Variants in XIRP2 observed in about 807,000 individuals in gnomAD.
XIRP2 encodes the protein xin actin-binding repeat-containing protein 2.
Under a neutral mutation model 277.0 loss-of-function variants are expected in XIRP2, and 236 were observed. The observed-to-expected ratio is 0.85, with a 90% CI of 0.77 to 0.95. The LOEUF (loss-of-function observed/expected upper bound fraction) is 0.95, where lower values mean the gene tolerates loss of function less well. XIRP2 is among the 40% of genes least tolerant of loss of function. The pLI, the probability that XIRP2 is intolerant of heterozygous loss-of-function variation, is 0.00. For synonymous variants in XIRP2, 1,490 were observed against 1,416.5 expected (o/e 1.05, Z -1.17); for missense variants, 4,640 against 4,157.5 (o/e 1.12, Z -3.19).
chr2:167,085,905 G>C (rs563730920), intron 2 of XIRP2, among the ~76,000 whole-genome samples: 12 of 152,122 alleles, frequency 7.9e-5, no homozygotes, highest in Admixed American at 1.3e-4. Context: ...CAATTTGCCA[G>C]TCTGTGTCTT....
chr2:167,185,788 T>C (rs1693136435), intron 3 of XIRP2, among the ~76,000 whole-genome samples: 4 of 152,160 alleles, frequency 2.6e-5, no homozygotes, highest in Admixed American at 1.3e-4. Context: ...AAATGTTATG[T>C]TGGAGTAATA....
chr2:167,095,742 T>G (rs1690291172), intron 2 of XIRP2, among the ~76,000 whole-genome samples: 1 of 151,960 alleles, frequency 6.6e-6, no homozygotes, highest in Non-Finnish European at 1.5e-5. Context: ...ATTTTCACAT[T>G]GATGTTCACC....
At chr2:167,175,975 G>A (rs1014418240) in intron 3 of XIRP2, among the ~76,000 whole-genome samples, 1 of 152,164 alleles carries the variant, frequency 6.6e-6, no homozygotes, top group Non-Finnish European at 1.5e-5. Context: ...CCCTTACCAA[G>A]TTTGAGCATC....
intron 2 of XIRP2, among the ~76,000 whole-genome samples, chr2:167,126,813 C>A (rs184268700): frequency 3.1e-4 from 47 of 152,272 alleles, no homozygotes; most frequent in African/African-American, 1.0e-3. Context: ...ACATGTCCTG[C>A]TGTGAACCTC....
intron 4 of XIRP2, among the ~76,000 whole-genome samples, chr2:167,212,635 A>C (rs959863232): frequency 2.0e-5 from 3 of 152,308 alleles, no homozygotes; most frequent in Admixed American, 1.3e-4. Flanking sequence ...AAAATTAGGT[A>C]GTGAGGAGGC....
chr2:167,237,147 G>A (rs1479558918), intron 5 of XIRP2, among the ~76,000 whole-genome samples: 2 of 152,076 alleles, frequency 1.3e-5, no homozygotes, highest in African/African-American at 2.4e-5. Flanking sequence ...CAAAATTTAT[G>A]TACATTTGTA....
chr2:166,926,247 CTTTTAAAAATG>C (rs1272017846), intron 2 of XIRP2, among the ~76,000 whole-genome samples: 3 of 151,980 alleles, frequency 2.0e-5, no homozygotes, highest in Non-Finnish European at 4.4e-5. Context: ...TCTCACATTT[CTTTTAAAAATG>C]TTTTCCTGTC....
chr2:167,248,912 C>T lies in XIRP2; in HGVS notation c.7520C>T (p.Thr2507Ile), dbSNP rs756049993. 1 of 1,613,692 alleles carries T rather than the reference C, an allele frequency of 6.2e-7. No individual in the cohort carries two copies. Among genetic ancestry groups the T allele is most frequent in the East Asian group, 2.2e-5 (1 of 44,852 alleles). The change falls in exon 9 of 11, where the codon ACT becomes ATT. Residue 2507 changes from threonine (T) to isoleucine (I), a missense_variant. Transcript: ENST00000409195. ...ANCLSHTVPG[T>I]SAPRKKQIAP... ...TGTCTCTCACACACAGTTCCAGGAA[C>T]TTCAGCACCCAGGAAAAAACAGATT...
chr2:167,245,830 G>A lies in XIRP2; in HGVS notation c.4438G>A (p.Glu1480Lys). 1 of 1,613,754 alleles carries A rather than the reference G, an allele frequency of 6.2e-7. No individual in the cohort carries two copies. Residue 1480 changes from glutamate (E) to lysine (K), a missense_variant, in exon 9 of 11, where the codon GAA (glutamate) becomes AAA (lysine). Glu to Lys is a moderately conservative substitution (Grantham distance 56). Coordinates refer to ENST00000409195, the MANE Select transcript of XIRP2 (RefSeq NM_152381.6). ...TGAAAATATCAAGACAGTCACTCAGGAAGATGTGCAGAAAGGTGATGTTAA... is the reference window on the plus strand; with the variant it reads ...TGAAAATATCAAGACAGTCACTCAGAAAGATGTGCAGAAAGGTGATGTTAA... ...EYENIKTVTQ[E>K]DVQKGDVKQA...
chr2:167,010,122 A>G (rs1033147286), intron 2 of XIRP2, among the ~76,000 whole-genome samples: 13 of 152,038 alleles, frequency 8.6e-5, no homozygotes, highest in Non-Finnish European at 1.3e-4. Flanking sequence ...TTGGTGTTTT[A>G]GACATGAAGT....
At chr2:167,257,815 C>T (rs1327828942) in intron 10 of XIRP2, 42 bp from the exon 11 acceptor site, 2 of 1,534,192 alleles carry the variant, frequency 1.3e-6, no homozygotes, top group African/African-American at 1.4e-5. Flanking sequence ...TATGAACTTA[C>T]AGTAAATACG....
intron 2 of XIRP2, among the ~76,000 whole-genome samples, chr2:167,062,231 C>T (rs1215186377): frequency 1.3e-5 from 2 of 152,170 alleles, no homozygotes; most frequent in African/African-American, 2.4e-5. Flanking sequence ...AATTCTGCCA[C>T]GGTGGGAATA....
Position 167,244,521 on chromosome 2 carries a change from T to C in XIRP2, c.3129T>C (p.Ser1043=). ...AATTTCAAATAATTAGAGGAATATCTGCTCAAGAAATACAGACTGGAAATG... is the reference window on the plus strand; with the variant it reads ...AATTTCAAATAATTAGAGGAATATCCGCTCAAGAAATACAGACTGGAAATG... ...IHKFQIIRGI[S]AQEIQTGNVK... The change falls in exon 9 of 11, where the codon TCT becomes TCC. Residue 1043 remains serine (S), a synonymous_variant. Coordinates refer to ENST00000409195, the MANE Select transcript of XIRP2 (RefSeq NM_152381.6). 1 of 1,613,612 alleles carries C rather than the reference T, an allele frequency of 6.2e-7. No individual in the cohort carries two copies.
rs891644160 is a variant in XIRP2 at position 167,242,659 on chromosome 2, A to T, written c.1267A>T (p.Thr423Ser). The T allele has an allele frequency of 1.2e-6, 2 of 1,614,010 alleles. No individual in the cohort carries two copies. Among genetic ancestry groups the T allele is most frequent in the African/African-American group, 2.7e-5 (2 of 74,934 alleles). ...CGTTTCAACCAGCCAGAGGAAGGAA[A>T]CATCAACTACAAGATATAGTGATCA... is the stretch of plus-strand genomic sequence containing the variant. ...SCVSTSQRKE[T>S]STTRYSDHSV... The change falls in exon 9 of 11, where the codon ACA becomes TCA. Residue 423 changes from threonine (T) to serine (S), a missense_variant. Transcript: ENST00000409195.
In XIRP2 at chr2:167,246,165, A is replaced by G. The variant is rs142576255; in HGVS notation, c.4773A>G (p.Ala1591=). The stretch of plus-strand genomic sequence containing the variant: ...CAAAATACAAGCTAATGAACCAAGC[A>G]TCTCCTGAGATACAGAAAGAAGAAA... ...RMAKYKLMNQ[A]SPEIQKEEII... is the part of the protein sequence containing the mutation. The change falls in exon 9 of 11, where the codon GCA becomes GCG. Residue 1591 remains alanine, a synonymous_variant. Coordinates refer to ENST00000409195, the MANE Select transcript of XIRP2 (RefSeq NM_152381.6). The G allele has an allele frequency of 1.9e-6, 3 of 1,612,514 alleles. No individual in the cohort carries two copies. Among genetic ancestry groups the G allele is most frequent in the East Asian group, 4.5e-5 (2 of 44,818 alleles).
chr2:167,042,262 A>G (rs753368857), intron 2 of XIRP2, among the ~76,000 whole-genome samples: 10 of 152,134 alleles, frequency 6.6e-5, no homozygotes, highest in Non-Finnish European at 1.0e-4. Context: ...TACTGACACT[A>G]TTAAGCAACT....
At chr2:166,936,156 T>C (rs1022074920) in intron 2 of XIRP2, among the ~76,000 whole-genome samples, 6 of 152,252 alleles carry the variant, frequency 3.9e-5, no homozygotes, top group African/African-American at 1.4e-4. Context: ...ATTTCTCTGA[T>C]GGCCAGTGAT....
chr2:167,128,197 C>T (rs1432967826), intron 2 of XIRP2, among the ~76,000 whole-genome samples: 1 of 152,188 alleles, frequency 6.6e-6, no homozygotes, highest in Non-Finnish European at 1.5e-5. Context: ...AATGGATTCT[C>T]TTCCCTCTAG....
At chr2:167,069,477 C>A in intron 2 of XIRP2, among the ~76,000 whole-genome samples, 1 of 152,132 alleles carries the variant, frequency 6.6e-6, no homozygotes, top group South Asian at 2.1e-4. Context: ...TCTAGTGTGT[C>A]CCACACTCTA....
Sources: allele counts gnomAD v4.1 joint callset (sites outside exome capture counted in the v4.1 genomes callset), GRCh38; gene constraint gnomAD v4.1.1; transcripts MANE v1.5; gene names NCBI Gene and HGNC (gene_info 2026-07-23, HGNC 2026-07-21).